The following IGF1R variants were observed in gnomAD, a reference collection of about 807,000 sequenced individuals.
IGF1R encodes insulin like growth factor 1 receptor.
A neutral mutation model predicts 144.6 loss-of-function variants in IGF1R; 44 were observed. The observed-to-expected ratio is 0.30, with a 90% CI of 0.24 to 0.39. The LOEUF is 0.39. Ranked by LOEUF, IGF1R falls within the 10% of genes least tolerant of loss-of-function variation. IGF1R has a pLI of 1.00. For missense variants in IGF1R, 1,355 were observed against 1,833.7 expected, an observed-to-expected ratio of 0.74 and a Z score of 4.77; for synonymous variants, 795 against 722.8, an observed-to-expected ratio of 1.10 and a Z score of -1.60.
At chr15:98,952,643 A>G (rs1024501907) in intron 20 of IGF1R, among the ~76,000 whole-genome samples, 5 of 152,142 alleles carry the variant, frequency 3.3e-5, no homozygotes, top group South Asian at 2.1e-4. Context: ...TTTATCTACA[A>G]GAGACTTGTG....
chr15:98,835,625 G>A (rs1400059457), intron 2 of IGF1R, among the ~76,000 whole-genome samples: 2 of 152,238 alleles, frequency 1.3e-5, no homozygotes, highest in Non-Finnish European at 2.9e-5. Context: ...AAGAGCTGCA[G>A]TTGTTGGAAC....
At chr15:98,845,420 C>T (rs1427779812) in intron 2 of IGF1R, among the ~76,000 whole-genome samples, 2 of 109,276 alleles carry the variant, frequency 1.8e-5, no homozygotes, top group African/African-American at 7.1e-5. Context: ...TCCTCCCCCT[C>T]CCTCTTCCTC....
chr15:98,778,275 G>A (rs1336453964), intron 2 of IGF1R, among the ~76,000 whole-genome samples: 1 of 152,172 alleles, frequency 6.6e-6, no homozygotes, highest in Admixed American at 6.5e-5. Context: ...GAAGCTTTGA[G>A]GCATGTTCTA....
At chr15:98,949,396 T>TG (rs2016685294) in intron 20 of IGF1R, among the ~76,000 whole-genome samples, 1 of 150,780 alleles carries the variant, frequency 6.6e-6, no homozygotes, top group Non-Finnish European at 1.5e-5. Context: ...TTTTTTTTTT[T>TG]GAGATGGAGT....
intron 6 of IGF1R, among the ~76,000 whole-genome samples, 179 bp from the exon 7 acceptor site, chr15:98,911,136 C>G (rs1313993061): frequency 6.6e-6 from 1 of 152,178 alleles, no homozygotes; most frequent in Non-Finnish European, 1.5e-5. Flanking sequence ...GCCCTTGGAG[C>G]TCTGCATAGT....
intron 19 of IGF1R, among the ~76,000 whole-genome samples, chr15:98,947,863 T>C (rs1231788937): frequency 6.6e-6 from 1 of 152,212 alleles, no homozygotes; most frequent in Non-Finnish European, 1.5e-5. Context: ...TCCCCAGCTC[T>C]GTTGTGGGTG....
chr15:98,785,801 G>A (rs1702777288), intron 2 of IGF1R, among the ~76,000 whole-genome samples: 1 of 152,072 alleles, frequency 6.6e-6, no homozygotes, highest in African/African-American at 2.4e-5. Flanking sequence ...GGAAAGAGAG[G>A]CAGGAGGGTC....
intron 2 of IGF1R, among the ~76,000 whole-genome samples, chr15:98,746,555 C>T (rs1424263828): frequency 2.0e-5 from 3 of 151,726 alleles, no homozygotes. Context: ...AGTGTCTTCC[C>T]CACAGTCCTG....
At chr15:98,775,806 G>T (rs1880195566) in intron 2 of IGF1R, among the ~76,000 whole-genome samples, 1 of 152,218 alleles carries the variant, frequency 6.6e-6, no homozygotes, top group Admixed American at 6.5e-5. Context: ...TCTCGGGCTG[G>T]TTGGATGATG....
chr15:98,692,257 G>C (rs1167656319), intron 1 of IGF1R, among the ~76,000 whole-genome samples: 1 of 152,168 alleles, frequency 6.6e-6, no homozygotes, highest in Non-Finnish European at 1.5e-5. Context: ...AGTATCACTT[G>C]AGCCCAGGAA....
intron 1 of IGF1R, among the ~76,000 whole-genome samples, chr15:98,678,207 C>T (rs1008783293): frequency 1.8e-4 from 27 of 152,164 alleles, no homozygotes; most frequent in African/African-American, 5.5e-4. Flanking sequence ...CTCAAATTCC[C>T]GTGTTAAACT....
chr15:98,957,156 G>A lies in IGF1R; in HGVS notation c.3818G>A (p.Gly1273Asp), dbSNP rs965875850. 6.2e-7 allele frequency: 1 copy of A among 1,614,246 alleles called. No individual in the cohort carries two copies. The highest frequency in any genetic ancestry group is 8.5e-7 in the Non-Finnish European group (1 of 1,180,050). ...AGCATCAAAGAGGAGATGGAGCCTG[G>A]CTTCCGGGAGGTCTCCTTCTACTAC... The part of the protein sequence containing the change: ...ISSIKEEMEP[G>D]FREVSFYYSE... Residue 1273 changes from glycine to aspartate, a missense_variant, in exon 21 of 21, where the codon GGC becomes GAC. Coordinates refer to ENST00000650285, the MANE Select transcript of IGF1R (RefSeq NM_000875.5).
Position 98,959,149 on chromosome 15 carries a change from A to C in IGF1R, c.*1707A>C, listed in dbSNP as rs1381307094. 1 of 233,340 alleles carries C rather than the reference A, an allele frequency of 4.3e-6. No homozygotes were observed. The highest frequency in any genetic ancestry group is 2.2e-5 in the African/African-American group (1 of 45,344). 14.5% of individuals were successfully genotyped at this position (233,340 alleles called of 1,614,324 possible). On this transcript the variant is annotated 3_prime_UTR_variant, in exon 21 of 21. Coordinates refer to ENST00000650285, the MANE Select transcript of IGF1R (RefSeq NM_000875.5). Reference sequence around the variant, plus strand: ...GTGTTTCCACTCACCGTGGTTGAGAAGCCTCACCCTCTCTTTCCCTTGCCT... The same window carrying C: ...GTGTTTCCACTCACCGTGGTTGAGACGCCTCACCCTCTCTTTCCCTTGCCT...
chr15:98,909,042 C>T, intron 6 of IGF1R, 143 bp downstream of exon 6: 1 of 740,680 alleles, frequency 1.4e-6, no homozygotes, highest in Non-Finnish European at 2.4e-6. Flanking sequence ...TAGCACTTTG[C>T]TCCTACTTAT....
intron 2 of IGF1R, among the ~76,000 whole-genome samples, chr15:98,802,286 A>C (rs1347842180): frequency 1.3e-5 from 2 of 152,164 alleles, no homozygotes; most frequent in Admixed American, 6.5e-5. Flanking sequence ...GCATCTTGAG[A>C]GTATAAAATA....
chr15:98,924,505 T>G lies in IGF1R; in HGVS notation c.2623-20T>G. 1 of 1,613,128 alleles carries G rather than the reference T, an allele frequency of 6.2e-7. No homozygotes were observed. ...CTCCTGCATTCATGGGAAATTGACATGTATGTTTTATTTCCCCAGGATCAG... is the reference window on the plus strand; with the variant it reads ...CTCCTGCATTCATGGGAAATTGACAGGTATGTTTTATTTCCCCAGGATCAG... On this transcript the variant is annotated intron_variant, in intron 12 of 20. Transcript: ENST00000650285.
chr15:98,765,030 A>G (rs750060331), intron 2 of IGF1R, among the ~76,000 whole-genome samples: 2 of 152,118 alleles, frequency 1.3e-5, no homozygotes, highest in African/African-American at 4.8e-5. Flanking sequence ...GGATTCACCT[A>G]TTTTGCATAG....
At chr15:98,757,264 A>G (rs1345339368) in intron 2 of IGF1R, among the ~76,000 whole-genome samples, 1 of 152,018 alleles carries the variant, frequency 6.6e-6, no homozygotes, top group Non-Finnish European at 1.5e-5. Flanking sequence ...CCTGGATTCA[A>G]GTGGTTCTCC....
chr15:98,700,364 G>C (rs1175366760), intron 1 of IGF1R, among the ~76,000 whole-genome samples: 1 of 152,112 alleles, frequency 6.6e-6, no homozygotes, highest in Non-Finnish European at 1.5e-5. Flanking sequence ...AGGTGCACAG[G>C]CTTTACCTGC....
Sources: gnomAD v4.1 joint callset for allele counts (sites outside exome capture counted in the v4.1 genomes callset) on GRCh38, gnomAD v4.1.1 for gene constraint, MANE v1.5 for transcripts, NCBI Gene and HGNC (gene_info 2026-07-23, HGNC 2026-07-21) for gene names.